HSH2D: variants seen among roughly 807,000 people sequenced by gnomAD.
HSH2D encodes the protein hematopoietic SH2 domain-containing protein.
HSH2D carries 16 observed loss-of-function variants against 21.5 expected under a neutral mutation model. The observed-to-expected ratio is 0.74, with a 90% confidence interval of 0.50 to 1.13. The LOEUF is 1.13. HSH2D is among the 50% of genes most tolerant of loss of function. The probability of loss-of-function intolerance (pLI) is 0.00; values close to 1 mark genes in which losing one functional copy is unlikely to be tolerated. For synonymous variants in HSH2D, 172 were observed against 184.7 expected (o/e 0.93, Z 0.56); for missense variants, 418 against 441.4 (o/e 0.95, Z 0.47).
At chr19:16,140,428 A>G (rs900579212), upstream of HSH2D, among the ~76,000 whole-genome samples, 3 of 152,156 alleles carry the variant, frequency 2.0e-5, no homozygotes, top group African/African-American at 7.2e-5. Flanking sequence ...AACATGGTGA[A>G]ACCCTGTCTC....
chr19:16,134,046 C>T (rs1212049934), exon 1 of HSH2D: 2 of 152,336 alleles, frequency 1.3e-5, no homozygotes, highest in African/African-American at 4.8e-5. Flanking sequence ...CAAGACCACA[C>T]CCAGGTCCAG....
At chr19:16,139,032 G>T (rs1004727536), upstream of HSH2D, among the ~76,000 whole-genome samples, 5 of 151,686 alleles carry the variant, frequency 3.3e-5, no homozygotes, top group Admixed American at 3.3e-4. Flanking sequence ...TAATTTTTGT[G>T]TTTTTAGTAT....
At position 16,143,706 on chromosome 19, in the gene HSH2D, C is replaced by T. The variant is rs894431288; in HGVS notation, c.-96C>T. 3 of 451,620 alleles carry T rather than the reference C, an allele frequency of 6.6e-6. No homozygotes were observed. Among genetic ancestry groups the T allele is most frequent in the South Asian group, 4.7e-5 (3 of 64,150 alleles). The allele number at this position is 451,620 out of a possible 1,614,324, so 28.0% of individuals were successfully genotyped here. ...CCCCATTGACGTGCAGACCTTGAAT[C>T]GAAACCCAGGCTCCTGCAGGCACTG... On this transcript the variant is annotated 5_prime_UTR_variant, in exon 1 of 6. Transcript: ENST00000613986.
chr19:16,152,118 A>T (rs1029015189), intron 2 of HSH2D, among the ~76,000 whole-genome samples: 1 of 137,520 alleles, frequency 7.3e-6, no homozygotes, highest in African/African-American at 2.7e-5. Context: ...CAAAAAAAAA[A>T]AAAAAAAGGA....
At chr19:16,151,604 TTG>T in intron 2 of HSH2D, 1 of 455,726 alleles carries the variant, frequency 2.2e-6, no homozygotes, top group Non-Finnish European at 4.4e-6. Context: ...TTGTGACACC[TTG>T]ATCCACCCAA....
At chr19:16,141,554 C>T (rs935977445), upstream of HSH2D, among the ~76,000 whole-genome samples, 1 of 152,172 alleles carries the variant, frequency 6.6e-6, no homozygotes. Flanking sequence ...AGAAAAAAAA[C>T]TGAACATCCT....
At chr19:16,138,452 C>T (rs914701768) in intron 1 of HSH2D, among the ~76,000 whole-genome samples, 3 of 152,086 alleles carry the variant, frequency 2.0e-5, no homozygotes, top group Admixed American at 6.6e-5. Flanking sequence ...GGCCTTTGCC[C>T]GTGCTGATTT....
chr19:16,144,205 A>G (rs1446968134), intron 1 of HSH2D, among the ~76,000 whole-genome samples: 3 of 152,052 alleles, frequency 2.0e-5, no homozygotes, highest in Non-Finnish European at 4.4e-5. Context: ...ACAACAACAC[A>G]GGAACCTAGC....
intron 1 of HSH2D, among the ~76,000 whole-genome samples, chr19:16,136,751 G>A (rs775847342): frequency 6.6e-6 from 1 of 152,028 alleles, no homozygotes; most frequent in African/African-American, 2.4e-5. Context: ...CAGAGGACCC[G>A]CTTGCATGAT....
At position 16,153,176 on chromosome 19, in the gene HSH2D, C is replaced by T. The variant is rs188745915; in HGVS notation, c.349C>T (p.Arg117Cys). ...TFHQQKPIEP[R>C]RELLTQPCRQ... is the part of the protein sequence containing the mutation. ...CCACCAGCAGAAGCCAATTGAGCCG[C>T]GCAGGGAGCTGCTGACACAGCCCTG... The change falls in exon 4 of 6, where the codon CGC becomes TGC. Residue 117 changes from arginine to cysteine, a missense_variant. Arg to Cys is a radical substitution (Grantham distance 180). Transcript: ENST00000613986. The T allele has an allele frequency of 5.8e-6, 9 of 1,563,818 alleles. No homozygotes were observed. The East Asian group carries it at 1.7e-4, about 29-fold the overall frequency.
intron 5 of HSH2D, among the ~76,000 whole-genome samples, chr19:16,156,210 G>A (rs1470219906): frequency 1.3e-5 from 2 of 152,026 alleles, no homozygotes; most frequent in East Asian, 3.9e-4. Flanking sequence ...AAATTAGCCA[G>A]GCATGGTGGC....
chr19:16,151,720 G>A (rs2091153296), intron 2 of HSH2D: 2 of 353,754 alleles, frequency 5.7e-6, no homozygotes, highest in African/African-American at 4.4e-5. Context: ...AGCTCCTCGG[G>A]GGGAACATCC....
intron 1 of HSH2D, among the ~76,000 whole-genome samples, chr19:16,146,324 G>A (rs560533418): frequency 5.9e-5 from 9 of 152,250 alleles, no homozygotes; most frequent in African/African-American, 1.9e-4. Context: ...TGGCTACAAC[G>A]TGTAGTGACG....
In HSH2D at chr19:16,157,067, G is replaced by A. The variant is rs2091245905; in HGVS notation, c.475-143G>A. The A allele has an allele frequency of 5.2e-6, 3 of 572,460 alleles. No individual in the cohort carries two copies. In the African/African-American group the frequency reaches 5.8e-5, roughly 11 times the overall value. 35.5% of individuals were successfully genotyped at this position (572,460 alleles called of 1,614,324 possible). ...CCATTTACTGAGACGAGAAAGATGG[G>A]GCATGGGATCAGGTTTGGGGGTTCA... On this transcript the variant is annotated intron_variant, in intron 5 of 5. Coordinates refer to ENST00000613986, the MANE Select transcript of HSH2D (RefSeq NM_001382417.1). The surrounding 1 kb of genome is among the most constrained non-coding windows in gnomAD (Gnocchi z 4.4).
chr19:16,144,315 C>T (rs1337083096), intron 1 of HSH2D, among the ~76,000 whole-genome samples: 3 of 151,516 alleles, frequency 2.0e-5, no homozygotes, highest in Admixed American at 1.3e-4. Flanking sequence ...GAGAGAGGAA[C>T]AGGGGGGAAC....
intron 1 of HSH2D, among the ~76,000 whole-genome samples, chr19:16,147,114 C>T (rs1018524732): frequency 1.3e-5 from 2 of 152,122 alleles, no homozygotes; most frequent in South Asian, 4.1e-4. Flanking sequence ...GCGTGAACCA[C>T]CATGCCCAGC....
intron 5 of HSH2D, among the ~76,000 whole-genome samples, chr19:16,156,499 G>A (rs2091239305): frequency 6.6e-6 from 1 of 152,126 alleles, no homozygotes; most frequent in African/African-American, 2.4e-5. Context: ...TTTTTGTAAA[G>A]ATAGTATTTT....
chr19:16,134,920 T>G, intron 1 of HSH2D, among the ~76,000 whole-genome samples: 2 of 149,224 alleles, frequency 1.3e-5, no homozygotes, highest in Admixed American at 6.8e-5. Context: ...CCAGTTCAAG[T>G]TAAAGACCAT....
chr19:16,157,408 C>G lies in HSH2D; in HGVS notation c.673C>G (p.Leu225Val). The change falls in exon 6 of 6, where the codon CTC becomes GTC. Residue 225 changes from leucine (L) to valine (V), a missense_variant. Coordinates refer to ENST00000613986, the MANE Select transcript of HSH2D (RefSeq NM_001382417.1). This position sits in a 1 kb window ranked among gnomAD's most constrained non-coding sequence, Gnocchi z 4.4. ...GGTCCGGCAGCAGCTAAAAAGCCAC[C>G]TCGCCACTGTGAACTTGTCGTCACT... ...QRVRQQLKSH[L>V]ATVNLSSLLD... 1 of 1,613,946 alleles carries G rather than the reference C, an allele frequency of 6.2e-7. No homozygotes were observed. The highest frequency in any genetic ancestry group is 1.1e-5 in the South Asian group (1 of 91,076).
Sources: allele counts gnomAD v4.1 joint callset (sites outside exome capture counted in the v4.1 genomes callset), GRCh38; gene constraint gnomAD v4.1.1; non-coding constraint Gnocchi (gnomAD v3.1); transcripts MANE v1.5; gene names NCBI Gene and HGNC (gene_info 2026-07-23, HGNC 2026-07-21).